DPYD: variants seen among roughly 807,000 people sequenced by gnomAD.
The protein encoded by DPYD is dihydropyrimidine dehydrogenase.
In DPYD, 109 loss-of-function variants were observed where a neutral mutation model predicts 116.2. The observed-to-expected ratio is 0.94, with a 90% CI of 0.80 to 1.10. DPYD has a LOEUF of 1.10. Ranked by LOEUF, DPYD falls within the 50% of genes least tolerant of loss-of-function variation. The probability of loss-of-function intolerance (pLI) is 0.00; values close to 1 mark genes in which losing one functional copy is unlikely to be tolerated. For missense variants in DPYD, 1,302 were observed against 1,254.5 expected (o/e 1.04, Z -0.57); for synonymous variants, 440 against 432.0 (o/e 1.02, Z -0.23).
intron 2 of DPYD, among the ~76,000 whole-genome samples, chr1:97,874,379 T>C (rs1336566327): frequency 6.6e-6 from 1 of 151,964 alleles, no homozygotes; most frequent in Non-Finnish European, 1.5e-5. Flanking sequence ...GAACTACAAA[T>C]ATTTTACAAA....
intron 14 of DPYD, among the ~76,000 whole-genome samples, chr1:97,401,312 T>TTTG (rs1673366398): frequency 6.6e-6 from 1 of 151,970 alleles, no homozygotes; most frequent in Non-Finnish European, 1.5e-5. Flanking sequence ...GGAAGTTTTT[T>TTTG]TTTGTTTGTT....
intron 14 of DPYD, among the ~76,000 whole-genome samples, chr1:97,447,814 C>T (rs1230799674): frequency 6.6e-6 from 1 of 151,836 alleles, no homozygotes; most frequent in African/African-American, 2.4e-5. Flanking sequence ...GAAGTTAAGA[C>T]AATCCATTGG....
chr1:97,359,596 CTAACAG>C (rs1345350056), intron 16 of DPYD, among the ~76,000 whole-genome samples: 1 of 152,182 alleles, frequency 6.6e-6, no homozygotes, highest in Admixed American at 6.5e-5. Flanking sequence ...GTCTATCAGA[CTAACAG>C]TGGATCTCTC....
intron 12 of DPYD, among the ~76,000 whole-genome samples, chr1:97,538,712 A>G (rs1167876451): frequency 6.6e-6 from 1 of 152,234 alleles, no homozygotes; most frequent in Non-Finnish European, 1.5e-5. Flanking sequence ...AGTATTTCAC[A>G]TAAGCTACCA....
chr1:97,354,329 C>A (rs1464990790), intron 16 of DPYD, among the ~76,000 whole-genome samples: 1 of 152,160 alleles, frequency 6.6e-6, no homozygotes, highest in African/African-American at 2.4e-5. Flanking sequence ...TTATATAGGA[C>A]AACAGATGTG....
At chr1:97,594,392 T>A (rs1176431773) in intron 9 of DPYD, among the ~76,000 whole-genome samples, 1 of 152,188 alleles carries the variant, frequency 6.6e-6, no homozygotes, top group Non-Finnish European at 1.5e-5. Flanking sequence ...TAATTTAATA[T>A]AGAAAGTTTC....
intron 13 of DPYD, among the ~76,000 whole-genome samples, chr1:97,458,064 T>G (rs1676793191): frequency 6.6e-6 from 1 of 152,208 alleles, no homozygotes; most frequent in South Asian, 2.1e-4. Context: ...GGCCTGCTTA[T>G]AAGATGATCA....
chr1:97,679,167 T>A lies in DPYD; in HGVS notation c.778A>T (p.Ser260Cys). 6.4e-7 allele frequency: 1 copy of A among 1,573,414 alleles called. No individual in the cohort carries two copies. Among genetic ancestry groups the A allele is most frequent in the Non-Finnish European group, 8.7e-7 (1 of 1,153,322 alleles). The change falls in exon 8 of 23, where the codon AGC (serine) becomes TGC (cysteine). Residue 260 changes from serine to cysteine, a missense_variant. Coordinates refer to ENST00000370192, the MANE Select transcript of DPYD (RefSeq NM_000110.4). ...AGAGTCATTTCATTCACTGAAAGGC[T>A]TTTACCGCAAATTATCTATAAGAAA... ...DLGVKIICGK[S>C]LSVNEMTLST...
intron 18 of DPYD, among the ~76,000 whole-genome samples, chr1:97,245,134 C>A (rs1662626771): frequency 6.6e-6 from 1 of 152,054 alleles, no homozygotes; most frequent in Non-Finnish European, 1.5e-5. Context: ...TTATTTATAT[C>A]CTCACGACAT....
intron 13 of DPYD, among the ~76,000 whole-genome samples, chr1:97,482,820 C>G (rs995958837): frequency 6.6e-6 from 1 of 152,110 alleles, no homozygotes; most frequent in Non-Finnish European, 1.5e-5. Flanking sequence ...AAGATTTCAG[C>G]TCTTTTATAT....
chr1:97,110,853 T>C (rs1651539817), intron 20 of DPYD, among the ~76,000 whole-genome samples: 1 of 152,052 alleles, frequency 6.6e-6, no homozygotes, highest in African/African-American at 2.4e-5. Context: ...TAAACTTAGT[T>C]GACCCTTCTT....
At chr1:97,147,349 A>AAAAC (rs370474663) in intron 20 of DPYD, among the ~76,000 whole-genome samples, 27,250 of 151,590 alleles carry the variant, frequency 0.18, 2,504 homozygotes, top group East Asian at 0.29. Flanking sequence ...TCTGTCTCAA[A>AAAAC]AAACAAACAA....
rs926969910 is a variant in DPYD, at chr1:97,078,761, A to G, written c.*215T>C. On this transcript the variant is annotated 3_prime_UTR_variant, in exon 23 of 23. Transcript: ENST00000370192. ...ACACAGTTATTTAACTACTATCCTCAGAAAAGAATTATTCTATTTTATGAC... is the reference window on the plus strand; with the variant it reads ...ACACAGTTATTTAACTACTATCCTCGGAAAAGAATTATTCTATTTTATGAC... 1 of 559,874 alleles carries G rather than the reference A, an allele frequency of 1.8e-6. No individual in the cohort carries two copies. The highest frequency in any genetic ancestry group is 1.9e-5 in the African/African-American group (1 of 53,070). The allele number at this position is 559,874 out of a possible 1,614,324, so 34.7% of individuals were successfully genotyped here.
At chr1:97,664,865 C>A (rs1014506111) in intron 8 of DPYD, among the ~76,000 whole-genome samples, 1 of 152,098 alleles carries the variant, frequency 6.6e-6, no homozygotes, top group African/African-American at 2.4e-5. Flanking sequence ...AGAACACATG[C>A]ACGCACACAC....
At chr1:97,188,717 T>A (rs115441662) in intron 20 of DPYD, among the ~76,000 whole-genome samples, 87 of 152,278 alleles carry the variant, frequency 5.7e-4, no homozygotes, top group African/African-American at 1.9e-3. Flanking sequence ...TATTAATGAT[T>A]GATCAGTATG....
chr1:97,209,161 C>T (rs1659874797), intron 19 of DPYD, among the ~76,000 whole-genome samples: 1 of 151,998 alleles, frequency 6.6e-6, no homozygotes, highest in Non-Finnish European at 1.5e-5. Flanking sequence ...ATCATATTAC[C>T]ACCGCCTACC....
intron 22 of DPYD, among the ~76,000 whole-genome samples, chr1:97,081,794 C>T (rs1207829531): frequency 6.7e-6 from 1 of 148,894 alleles, no homozygotes; most frequent in Non-Finnish European, 1.5e-5. Flanking sequence ...TGGCTCACTT[C>T]ATGAGGGAAG....
At position 97,077,924 on chromosome 1, in the gene DPYD, C is replaced by T. The variant is rs1169467738; in HGVS notation, c.*1052G>A. 6.6e-6 allele frequency: 1 copy of T among 151,614 alleles called. No homozygotes were observed. The allele number at this position is 151,614 out of a possible 1,614,324, so 9.4% of individuals were successfully genotyped here. A position where few individuals can be genotyped will look rare whatever the true frequency, so the allele number is the denominator to read the frequency against. ...ACTTATAGATTCATATTGAAGATGC[C>T]ATGAAGAGGAGATAAATGAGTTTAT... On this transcript the variant is annotated 3_prime_UTR_variant, in exon 23 of 23. Transcript: ENST00000370192.
At chr1:97,512,500 T>C (rs1647878278) in intron 13 of DPYD, among the ~76,000 whole-genome samples, 2 of 151,924 alleles carry the variant, frequency 1.3e-5, no homozygotes, top group Admixed American at 1.3e-4. Context: ...GTAATAAAGC[T>C]ATGCAACTTG....
Sources: gnomAD v4.1 joint callset for allele counts (sites outside exome capture counted in the v4.1 genomes callset) on GRCh38, gnomAD v4.1.1 for gene constraint, MANE v1.5 for transcripts, NCBI Gene and HGNC (gene_info 2026-07-23, HGNC 2026-07-21) for gene names.